PCBP3: variants seen among roughly 807,000 people sequenced by gnomAD.
PCBP3 encodes poly(rC) binding protein 3, also known as poly(rC)-binding protein 3.
A neutral mutation model predicts 52.7 loss-of-function variants in PCBP3; 25 were observed. That is an observed-to-expected ratio of 0.47 (90% CI 0.35 to 0.66). PCBP3 has a LOEUF of 0.66. Among genes scored for constraint, PCBP3 ranks in the 30% least tolerant of loss-of-function variants. The pLI is 0.01. For synonymous variants in PCBP3, 162 were observed against 183.0 expected (o/e 0.89, Z 0.93); for missense variants, 391 against 490.3 (o/e 0.80, Z 1.91).
chr21:45,783,894 C>T (rs1286645539), intron 4 of PCBP3, among the ~76,000 whole-genome samples: 1 of 152,198 alleles, frequency 6.6e-6, no homozygotes, highest in Admixed American at 6.5e-5. Flanking sequence ...AGGCCGTGAG[C>T]AGGACTTTCA....
At chr21:45,898,319 G>A (rs111908728) in intron 6 of PCBP3, among the ~76,000 whole-genome samples, 30,641 of 70,260 alleles carry the variant, frequency 0.44, 5,331 homozygotes, top group Middle Eastern at 0.57. Context: ...GTCTCCCTCT[G>A]CACACCGTCC....
intron 2 of PCBP3, among the ~76,000 whole-genome samples, chr21:45,692,123 G>C (rs2082518062): frequency 6.6e-6 from 1 of 152,132 alleles, no homozygotes; most frequent in South Asian, 2.1e-4. Flanking sequence ...GAACTTTCAG[G>C]ACTGAGGAGA....
intron 2 of PCBP3, among the ~76,000 whole-genome samples, chr21:45,727,449 TG>T (rs2085134325): frequency 6.6e-6 from 1 of 152,184 alleles, no homozygotes; most frequent in Non-Finnish European, 1.5e-5. Flanking sequence ...CACAGCTCCC[TG>T]GAAGCAGGAG....
At chr21:45,786,659 T>G (rs1439671912) in intron 4 of PCBP3, among the ~76,000 whole-genome samples, 2 of 152,212 alleles carry the variant, frequency 1.3e-5, no homozygotes, top group Non-Finnish European at 2.9e-5. Context: ...TTATTGTTAG[T>G]AAGAGAATTA....
At chr21:45,690,985 C>T (rs536535410) in intron 2 of PCBP3, among the ~76,000 whole-genome samples, 6 of 152,086 alleles carry the variant, frequency 3.9e-5, no homozygotes, top group East Asian at 1.9e-4. Context: ...TAGCACTTAC[C>T]GTATACCACC....
intron 4 of PCBP3, among the ~76,000 whole-genome samples, chr21:45,845,494 A>G (rs2093788440): frequency 6.9e-6 from 1 of 144,400 alleles, no homozygotes; most frequent in African/African-American, 2.6e-5. Context: ...TGAGCTGCTT[A>G]AGCACCCGCG....
In PCBP3 at chr21:45,931,558, G is replaced by A. The variant is rs141676858; in HGVS notation, c.856+713G>A. ...GAGACTTCCAGCGTGGGCTTGGACT[G>A]CAGGTTGGGGCAGCCTCCTTTACCC... is the stretch of plus-strand genomic sequence containing the variant. On this transcript the variant is annotated intron_variant, in intron 15 of 17. Coordinates refer to ENST00000681687, the MANE Select transcript of PCBP3 (RefSeq NM_001384156.1). Among the ~76,000 whole-genome samples the A allele has an allele frequency of 1.5e-3, 236 of 152,352 alleles. 1 individual carries two copies. Among genetic ancestry groups the A allele is most frequent in the African/African-American group, 5.4e-3 (226 of 41,572 alleles).
intron 4 of PCBP3, among the ~76,000 whole-genome samples, chr21:45,786,375 C>T (rs1006979419): frequency 6.6e-6 from 1 of 151,842 alleles, no homozygotes; most frequent in Admixed American, 6.6e-5. Context: ...ATTGCAGCCT[C>T]TACCTCCTGG....
At chr21:45,732,512 T>G (rs961558930) in intron 2 of PCBP3, among the ~76,000 whole-genome samples, 39 of 151,822 alleles carry the variant, frequency 2.6e-4, no homozygotes, top group Non-Finnish European at 5.2e-4. Context: ...CGATTTTTTT[T>G]TTTTTTACAT....
At chr21:45,900,662 C>T (rs374016971) in intron 8 of PCBP3, 39 bp downstream of exon 8, 33 of 556,266 alleles carry the variant, frequency 5.9e-5, no homozygotes, top group Admixed American at 3.9e-4. Context: ...CAGCCATTCC[C>T]GGGTGGGCGG....
chr21:45,839,565 G>C (rs1385343603), intron 4 of PCBP3, among the ~76,000 whole-genome samples: 1 of 152,288 alleles, frequency 6.6e-6, no homozygotes, highest in East Asian at 1.9e-4. Context: ...AAGGTAATTT[G>C]GCTTCATAAA....
chr21:45,646,061 CTCTCTCTCTCTCTCTCTCTCTT>C (rs2079235246), intron 1 of PCBP3, among the ~76,000 whole-genome samples: 3 of 117,206 alleles, frequency 2.6e-5, no homozygotes, highest in South Asian at 3.2e-4. Flanking sequence ...GTTTCTCTCT[CTCTCTCTCTCTCTCTCTCTCTT>C]TCTCTCTCTC....
At position 45,821,907 on chromosome 21, in the gene PCBP3, C is replaced by T. The variant is rs16978611; in HGVS notation, c.-125-28054C>T. Among the ~76,000 whole-genome samples the T allele has an allele frequency of 0.014, 2,204 of 152,352 alleles. 55 individuals carry two copies. Among genetic ancestry groups the T allele is most frequent in the African/African-American group, 0.049 (2,032 of 41,580 alleles). On this transcript the variant is annotated intron_variant, in intron 4 of 17. Coordinates refer to ENST00000681687, the MANE Select transcript of PCBP3 (RefSeq NM_001384156.1). This position sits in a 1 kb window ranked among gnomAD's most constrained non-coding sequence, Gnocchi z 4.4. Reference sequence around the variant, plus strand: ...GAGGCTCCTCCTTAGGGTGCATTGTCACTCGGCGTTTCCGACACCTGCTCT... The same window carrying T: ...GAGGCTCCTCCTTAGGGTGCATTGTTACTCGGCGTTTCCGACACCTGCTCT...
At chr21:45,841,810 T>A (rs2093705216) in intron 4 of PCBP3, among the ~76,000 whole-genome samples, 1 of 152,228 alleles carries the variant, frequency 6.6e-6, no homozygotes, top group Non-Finnish European at 1.5e-5. Flanking sequence ...GAGGTCTCTC[T>A]GTTATTACGG....
intron 4 of PCBP3, among the ~76,000 whole-genome samples, chr21:45,796,797 C>A (rs1287475240): frequency 5.3e-5 from 8 of 151,990 alleles, no homozygotes; most frequent in Admixed American, 5.2e-4. Flanking sequence ...TTCTTATTTT[C>A]TTTTGTCTTT....
At chr21:45,889,665 C>T (rs529474305) in intron 5 of PCBP3, among the ~76,000 whole-genome samples, 1 of 152,336 alleles carries the variant, frequency 6.6e-6, no homozygotes, top group African/African-American at 2.4e-5. Flanking sequence ...GCTTGGGGAC[C>T]TTTGAACAAT....
intron 4 of PCBP3, chr21:45,832,469 G>T (rs2093475591): frequency 3.3e-5 from 5 of 152,162 alleles, no homozygotes; most frequent in Admixed American, 3.3e-4. Flanking sequence ...TACTCAAGAT[G>T]TAGTCACTCT....
intron 3 of PCBP3, among the ~76,000 whole-genome samples, chr21:45,740,206 G>A (rs2086320413): frequency 6.6e-6 from 1 of 152,172 alleles, no homozygotes; most frequent in Admixed American, 6.5e-5. Context: ...CCCCTCAAGT[G>A]CAAGGAGCCC....
intron 2 of PCBP3, among the ~76,000 whole-genome samples, chr21:45,680,287 A>C (rs1008708809): frequency 6.6e-6 from 1 of 152,214 alleles, no homozygotes; most frequent in African/African-American, 2.4e-5. Context: ...AAGTTGCATT[A>C]AATTTGTATA....
Sources: gnomAD v4.1 joint callset for allele counts (sites outside exome capture counted in the v4.1 genomes callset) on GRCh38, gnomAD v4.1.1 for gene constraint, Gnocchi (gnomAD v3.1) non-coding constraint, MANE v1.5 for transcripts, NCBI Gene and HGNC (gene_info 2026-07-23, HGNC 2026-07-21) for gene names.